ANK2: variants seen among roughly 807,000 people sequenced by gnomAD.
ANK2 encodes the protein ankyrin 2, also known as ankyrin-2.
ANK2 carries 83 observed loss-of-function variants against 360.5 expected under a neutral mutation model. That is an observed-to-expected ratio of 0.23 (90% CI 0.19 to 0.28). The LOEUF is 0.28. Ranked by LOEUF, ANK2 falls within the 10% of genes least tolerant of loss-of-function variation. The pLI, the probability that ANK2 is intolerant of heterozygous loss-of-function variation, is 1.00. For synonymous variants in ANK2, 1,740 were observed against 1,759.5 expected (o/e 0.99, Z 0.28); for missense variants, 4,201 against 4,795.7 (o/e 0.88, Z 3.66).
At chr4:113,155,465 G>A (rs977815143) in intron 1 of ANK2, among the ~76,000 whole-genome samples, 2 of 151,830 alleles carry the variant, frequency 1.3e-5, no homozygotes, top group Admixed American at 6.6e-5. Context: ...ATTTAAAGTG[G>A]GTTCTAAGAT....
chr4:113,106,275 A>G (rs774032864), intron 1 of ANK2, among the ~76,000 whole-genome samples: 3 of 152,210 alleles, frequency 2.0e-5, no homozygotes, highest in Non-Finnish European at 4.4e-5. Context: ...GCAGAGGGCT[A>G]CCAAACTCCA....
chr4:112,855,529 CT>C (rs2066156821), intron 1 of ANK2, among the ~76,000 whole-genome samples: 1 of 152,082 alleles, frequency 6.6e-6, no homozygotes, highest in African/African-American at 2.4e-5. Flanking sequence ...AGAATACAGT[CT>C]TTTTCCCCCT....
intron 4 of ANK2, among the ~76,000 whole-genome samples, chr4:113,223,648 A>G (rs2099177975): frequency 6.6e-6 from 1 of 152,152 alleles, no homozygotes; most frequent in Admixed American, 6.5e-5. Context: ...AAGGAAGCAT[A>G]CAAGTTGTAA....
At chr4:113,146,315 T>G (rs1020232991) in intron 1 of ANK2, among the ~76,000 whole-genome samples, 3 of 152,230 alleles carry the variant, frequency 2.0e-5, no homozygotes, top group African/African-American at 7.2e-5. Context: ...AGAGTGACTT[T>G]CAGCAATATT....
intron 1 of ANK2, among the ~76,000 whole-genome samples, chr4:112,878,950 T>C (rs1381270089): frequency 6.6e-6 from 1 of 152,144 alleles, no homozygotes; most frequent in Non-Finnish European, 1.5e-5. Context: ...ATGGTATATC[T>C]AGGCACAAAA....
chr4:113,127,891 A>C (rs1243181323), intron 1 of ANK2, among the ~76,000 whole-genome samples: 1 of 152,184 alleles, frequency 6.6e-6, no homozygotes, highest in Non-Finnish European at 1.5e-5. Flanking sequence ...AGCAGGGAGG[A>C]AAACAGGATG....
At chr4:112,711,884 A>G in the ANK2 span, among the ~76,000 whole-genome samples, 2 of 150,668 alleles carry the variant, frequency 1.3e-5, no homozygotes, top group Non-Finnish European at 3.0e-5. Flanking sequence ...AAGAAAAAAG[A>G]AAAGCACAAC....
the ANK2 span, among the ~76,000 whole-genome samples, chr4:112,713,024 A>G: frequency 1.3e-5 from 2 of 152,176 alleles, no homozygotes; most frequent in African/African-American, 2.4e-5. Flanking sequence ...GGCTTCTCCT[A>G]CCTTCAATTC....
intron 1 of ANK2, among the ~76,000 whole-genome samples, chr4:112,852,698 ATTC>A (rs1044390640): frequency 1.3e-5 from 2 of 152,238 alleles, no homozygotes; most frequent in African/African-American, 4.8e-5. Flanking sequence ...CCTATTTAAA[ATTC>A]TTCTGATGCA....
At chr4:112,726,114 ATT>A in the ANK2 span, among the ~76,000 whole-genome samples, 2 of 152,054 alleles carry the variant, frequency 1.3e-5, no homozygotes, top group African/African-American at 4.8e-5. Context: ...GGGAAAGAGC[ATT>A]TCAGCAGATG....
chr4:113,233,106 G>GTTTTTTTTTTT lies in ANK2; in HGVS notation c.483+883_483+893dup, dbSNP rs1156385030. ...CAGAGTATATGGGCTTGGCTTTTCTGTTTTTTTTTTTTTTTTTTTTTTTTT... is the reference window on the plus strand; with the variant it reads ...CAGAGTATATGGGCTTGGCTTTTCTGTTTTTTTTTTTTTTTTTTTTTTTTTTTTTTTTTTTT... On this transcript the variant is annotated intron_variant, in intron 5 of 45. Coordinates refer to ENST00000357077, the MANE Select transcript of ANK2 (RefSeq NM_001148.6). 2.4e-4 allele frequency among the ~76,000 whole-genome samples: 19 copies of GTTTTTTTTTTT among 79,694 alleles called. 1 individual carries two copies. The highest frequency in any genetic ancestry group is 3.8e-4 in the Non-Finnish European group (15 of 39,850). The allele number at this position is 79,694 out of a possible 152,430, so 52.3% of individuals were successfully genotyped here.
intron 37 of ANK2, among the ~76,000 whole-genome samples, chr4:113,350,969 CT>C (rs2095376817): frequency 6.6e-6 from 1 of 152,030 alleles, no homozygotes; most frequent in Admixed American, 6.6e-5. Flanking sequence ...CAAACCTGAT[CT>C]AGTAGAGAGA....
chr4:113,260,851 G>A (rs962616412), intron 13 of ANK2, among the ~76,000 whole-genome samples: 10 of 152,288 alleles, frequency 6.6e-5, no homozygotes, highest in Admixed American at 1.3e-4. Context: ...TGAAGAAACC[G>A]TGTGAACGCT....
intron 2 of ANK2, among the ~76,000 whole-genome samples, chr4:112,981,356 C>T (rs1006959160): frequency 5.9e-5 from 9 of 152,170 alleles, no homozygotes; most frequent in African/African-American, 2.2e-4. Flanking sequence ...TTCATGAAAA[C>T]TAACCAGTGG....
At chr4:113,191,788 C>A (rs2098668820) in intron 2 of ANK2, among the ~76,000 whole-genome samples, 1 of 152,182 alleles carries the variant, frequency 6.6e-6, no homozygotes, top group South Asian at 2.1e-4. Context: ...TAGGACATTT[C>A]CCTTTTTTAC....
At chr4:112,712,470 T>A in the ANK2 span, among the ~76,000 whole-genome samples, 2 of 143,286 alleles carry the variant, frequency 1.4e-5, no homozygotes, top group Non-Finnish European at 3.0e-5. Context: ...TGCAGTGGCG[T>A]GATCTCGGTT....
At chr4:112,918,455 T>C (rs762789911) in intron 2 of ANK2, among the ~76,000 whole-genome samples, 5 of 152,116 alleles carry the variant, frequency 3.3e-5, no homozygotes, top group Non-Finnish European at 4.4e-5. Context: ...CCACTCTCAC[T>C]CTGAAAGTAA....
chr4:113,139,019 G>A (rs2096543694), intron 1 of ANK2, among the ~76,000 whole-genome samples: 1 of 152,092 alleles, frequency 6.6e-6, no homozygotes, highest in African/African-American at 2.4e-5. Flanking sequence ...ACATTATTTG[G>A]GGAGGTTGAT....
At chr4:113,258,207 CCTTTTTCTCAT>C in intron 12 of ANK2, 59 bp downstream of exon 12, 1 of 1,576,942 alleles carries the variant, frequency 6.3e-7, no homozygotes, top group South Asian at 1.1e-5. Flanking sequence ...TCCTCCCTTT[CCTTTTTCTCAT>C]CTTCTGTCCT....
Sources: gnomAD v4.1 joint callset for allele counts (sites outside exome capture counted in the v4.1 genomes callset) on GRCh38, gnomAD v4.1.1 for gene constraint, MANE v1.5 for transcripts, NCBI Gene and HGNC (gene_info 2026-07-23, HGNC 2026-07-21) for gene names.